The following SSH2 variants were observed in gnomAD, a reference collection of about 807,000 sequenced individuals.
The protein encoded by SSH2 is protein phosphatase Slingshot homolog 2.
Under a neutral mutation model 135.2 loss-of-function variants are expected in SSH2, and 37 were observed. The ratio of observed to expected loss-of-function variants is 0.27; its 90% confidence interval spans 0.21 to 0.36. SSH2 has a LOEUF of 0.36. Among genes scored for constraint, SSH2 ranks in the 10% least tolerant of loss-of-function variants. SSH2 has a pLI of 1.00. For missense variants in SSH2, 1,408 were observed against 1,765.3 expected (o/e 0.80, Z 3.63); for synonymous variants, 628 against 646.2 (o/e 0.97, Z 0.43).
chr17:29,926,826 C>G (rs1043711929), intron 1 of SSH2, among the ~76,000 whole-genome samples: 1 of 152,178 alleles, frequency 6.6e-6, no homozygotes. Flanking sequence ...TTGCAATACT[C>G]TCTTCTTCAC....
chr17:29,812,371 C>T (rs2042458919), intron 2 of SSH2, among the ~76,000 whole-genome samples: 1 of 151,936 alleles, frequency 6.6e-6, no homozygotes. Context: ...GCAGCCTCTG[C>T]CTCCCAGACT....
intron 3 of SSH2, among the ~76,000 whole-genome samples, chr17:29,720,259 T>C (rs375958582): frequency 4.8e-4 from 73 of 152,246 alleles, no homozygotes; most frequent in South Asian, 2.1e-3. Flanking sequence ...ATTTAAAAAA[T>C]TGAGTCAGTT....
Position 29,631,668 on chromosome 17 carries a change from T to A in SSH2, c.3526A>T (p.Thr1176Ser). ...TGTTCTGCAGAGGGCTCATCTGTAG[T>A]GCTGCTCTGCTCTGTGAAGCCCTCC... Reference protein sequence around the residue: ...HLEGFTEQSSTTDEPSAEQVS... With the variant: ...HLEGFTEQSSSTDEPSAEQVS... The change falls in exon 16 of 16, where the codon ACT (threonine) becomes TCT (serine). Residue 1176 changes from threonine to serine, a missense_variant. Around this residue, in one of 3 missense-constraint regions of SSH2, gnomAD observed 1,080 missense variants for 1,144.5 expected, o/e 0.94. Transcript: ENST00000540801. The A allele has an allele frequency of 6.2e-7, 1 of 1,614,196 alleles. No individual in the cohort carries two copies. Among genetic ancestry groups the A allele is most frequent in the Non-Finnish European group, 8.5e-7 (1 of 1,180,030 alleles).
chr17:29,706,748 C>G lies in SSH2; in HGVS notation c.189-3686G>C, dbSNP rs181964017. Among the ~76,000 whole-genome samples the G allele has an allele frequency of 5.3e-5, 8 of 152,348 alleles. No homozygotes were observed. In the East Asian group the frequency reaches 1.5e-3, roughly 29 times the overall value. On this transcript the variant is annotated intron_variant, in intron 3 of 15. Transcript: ENST00000540801. Reference sequence around the variant, plus strand: ...GTGGGTTCCAGTAAACAAAGCAGTTCGCTACATCTACAAAAGAAGTGTGTA... The same window carrying G: ...GTGGGTTCCAGTAAACAAAGCAGTTGGCTACATCTACAAAAGAAGTGTGTA...
chr17:29,825,402 A>T (rs2151351327), intron 2 of SSH2, among the ~76,000 whole-genome samples: 1 of 152,378 alleles, frequency 6.6e-6, no homozygotes, highest in Middle Eastern at 3.4e-3. Context: ...ATAAAATTTC[A>T]GTAAAAAAAT....
At chr17:29,747,775 G>A (rs1251869068) in intron 3 of SSH2, among the ~76,000 whole-genome samples, 1 of 152,144 alleles carries the variant, frequency 6.6e-6, no homozygotes, top group Non-Finnish European at 1.5e-5. Flanking sequence ...TAGCCCCAAG[G>A]CAGTTTAACA....
intron 7 of SSH2, among the ~76,000 whole-genome samples, chr17:29,677,294 G>T (rs1335127248): frequency 6.6e-6 from 1 of 151,900 alleles, no homozygotes; most frequent in Non-Finnish European, 1.5e-5. Context: ...GGGGTCACTG[G>T]AAGGAACTGG....
At chr17:29,741,908 C>T (rs1351562957) in intron 3 of SSH2, among the ~76,000 whole-genome samples, 1 of 150,384 alleles carries the variant, frequency 6.6e-6, no homozygotes, top group African/African-American at 2.5e-5. Flanking sequence ...AGCCACCATA[C>T]CCAGCCAGCA....
In SSH2 at chr17:29,930,204, C is replaced by A. The variant is rs998658148; in HGVS notation, c.-204G>T. 1.2e-4 allele frequency: 69 copies of A among 556,786 alleles called. No homozygotes were observed. In the Middle Eastern group the frequency reaches 3.9e-3, roughly 32 times the overall value. The allele number at this position is 556,786 out of a possible 1,614,324, so 34.5% of individuals were successfully genotyped here. ...ACGCTCCGAACGGGCGGCGGGCGGGCGGTTCCGCAGCTGCGGGGCACAATG... is the reference window on the plus strand; with the variant it reads ...ACGCTCCGAACGGGCGGCGGGCGGGAGGTTCCGCAGCTGCGGGGCACAATG... On this transcript the variant is annotated 5_prime_UTR_variant, in exon 1 of 16. Transcript: ENST00000540801.
At chr17:29,774,739 C>T (rs2041659827) in intron 3 of SSH2, among the ~76,000 whole-genome samples, 4 of 152,098 alleles carry the variant, frequency 2.6e-5, no homozygotes, top group Admixed American at 2.6e-4. Context: ...GAAAATCATA[C>T]TGGGAGAGGG....
At chr17:29,745,963 T>A (rs1381326281) in intron 3 of SSH2, among the ~76,000 whole-genome samples, 1 of 152,206 alleles carries the variant, frequency 6.6e-6, no homozygotes, top group Admixed American at 6.5e-5. Context: ...CAAGTAGTTA[T>A]TCTGAATATG....
intron 3 of SSH2, among the ~76,000 whole-genome samples, chr17:29,740,552 C>A (rs1237669749): frequency 6.6e-6 from 1 of 151,430 alleles, no homozygotes; most frequent in African/African-American, 2.4e-5. Context: ...ATACTTTTCT[C>A]TTTTCTCCTA....
intron 2 of SSH2, among the ~76,000 whole-genome samples, chr17:29,829,496 A>G (rs936899285): frequency 6.6e-6 from 1 of 152,000 alleles, no homozygotes; most frequent in Non-Finnish European, 1.5e-5. Context: ...CTGTACATAT[A>G]TATATGGAGA....
At chr17:29,841,896 T>A (rs969860665) in intron 2 of SSH2, among the ~76,000 whole-genome samples, 14 of 143,504 alleles carry the variant, frequency 9.8e-5, no homozygotes, top group Non-Finnish European at 2.0e-4. Flanking sequence ...TGGCTAATTT[T>A]TTTTTTTTTT....
At chr17:29,882,707 G>A (rs1003084521) in intron 1 of SSH2, among the ~76,000 whole-genome samples, 3 of 152,042 alleles carry the variant, frequency 2.0e-5, no homozygotes, top group Admixed American at 6.6e-5. Flanking sequence ...AGCTGAGATC[G>A]CACCACTGCA....
At chr17:29,793,979 T>G (rs573898414) in intron 2 of SSH2, 42 bp from the exon 3 acceptor site, 39 of 1,410,106 alleles carry the variant, frequency 2.8e-5, no homozygotes, top group Non-Finnish European at 3.1e-5. Flanking sequence ...AAACCTGAGG[T>G]TTCATATCAT....
chr17:29,823,289 A>G (rs1250320782), intron 2 of SSH2, among the ~76,000 whole-genome samples: 1 of 152,224 alleles, frequency 6.6e-6, no homozygotes, highest in Non-Finnish European at 1.5e-5. Context: ...ACAGTTTACA[A>G]AATGAAATAC....
chr17:29,767,696 T>C (rs1483308625), intron 3 of SSH2, among the ~76,000 whole-genome samples: 2 of 152,048 alleles, frequency 1.3e-5, no homozygotes, highest in African/African-American at 4.8e-5. Context: ...TACTTATCAC[T>C]ATACCTTAGA....
At chr17:29,784,682 G>A (rs1226707287) in intron 3 of SSH2, among the ~76,000 whole-genome samples, 1 of 151,806 alleles carries the variant, frequency 6.6e-6, no homozygotes, top group African/African-American at 2.4e-5. Context: ...AATTAGTCAT[G>A]TCATTCTTCT....
Sources: gnomAD v4.1 joint callset for allele counts (sites outside exome capture counted in the v4.1 genomes callset) on GRCh38, gnomAD v4.1.1 for gene constraint, gnomAD v4.1.1 regional missense constraint, MANE v1.5 for transcripts, NCBI Gene and HGNC (gene_info 2026-07-23, HGNC 2026-07-21) for gene names.